CNTN2: variants seen among roughly 807,000 people sequenced by gnomAD.
CNTN2 encodes the protein contactin 2.
In CNTN2, 53 loss-of-function variants were observed where a neutral mutation model predicts 117.5. The observed-to-expected ratio is 0.45, with a 90% CI of 0.36 to 0.57. The LOEUF is 0.57. CNTN2 is among the 20% of genes least tolerant of loss of function. CNTN2 has a pLI of 0.00. For synonymous variants in CNTN2, 530 were observed against 561.7 expected (o/e 0.94, Z 0.80); for missense variants, 1,106 against 1,404.3 (o/e 0.79, Z 3.39).
In CNTN2 at chr1:205,058,916, G is replaced by T. The variant is rs1352672730; in HGVS notation, c.488-168G>T. 1 of 711,850 alleles carries T rather than the reference G, an allele frequency of 1.4e-6. No individual in the cohort carries two copies. Among genetic ancestry groups the T allele is most frequent in the African/African-American group, 1.8e-5 (1 of 56,082 alleles). 44.1% of individuals were successfully genotyped at this position (711,850 alleles called of 1,614,324 possible). A position where few individuals can be genotyped will look rare whatever the true frequency, so the allele number is the denominator to read the frequency against. Reference sequence around the variant, plus strand: ...CTGGCAGACTTAGCGCTCCCTGAGGGCAGGAATAAAGTCACTTCTTCCCTC... The same window carrying T: ...CTGGCAGACTTAGCGCTCCCTGAGGTCAGGAATAAAGTCACTTCTTCCCTC... On this transcript the variant is annotated intron_variant, in intron 5 of 22. Coordinates refer to ENST00000331830, the MANE Select transcript of CNTN2 (RefSeq NM_005076.5). The surrounding 1 kb of genome is among the most constrained non-coding windows in gnomAD (Gnocchi z 4.3).
chr1:205,062,155 C>T lies in CNTN2; in HGVS notation c.1110+154C>T. ...CCTAGGACCACCTAAGGACTTCTTC[C>T]CATCCCAGTCCCATTGTCACAGGCT... On this transcript the variant is annotated intron_variant, in intron 9 of 22. Coordinates refer to ENST00000331830, the MANE Select transcript of CNTN2 (RefSeq NM_005076.5). The T allele has an allele frequency of 3.1e-6, 3 of 956,766 alleles. No individual in the cohort carries two copies. The East Asian group carries it at 8.3e-5, about 27-fold the overall frequency. The allele number at this position is 956,766 out of a possible 1,614,324, so 59.3% of individuals were successfully genotyped here.
Position 205,064,683 on chromosome 1 carries a change from C to G in CNTN2, c.1452C>G (p.Gly484=). 1 of 1,614,206 alleles carries G rather than the reference C, an allele frequency of 6.2e-7. No homozygotes were observed. The highest frequency in any genetic ancestry group is 8.5e-7 in the Non-Finnish European group (1 of 1,180,026). Residue 484 remains glycine, a synonymous_variant, in exon 12 of 23, where the codon GGC becomes GGG. Coordinates refer to ENST00000331830, the MANE Select transcript of CNTN2 (RefSeq NM_005076.5). ...IIRNISRSDE[G]KYTCFAENFM... ...GAAACATCAGCCGGTCAGATGAAGG[C>G]AAATACACCTGCTTTGCTGAGAACT...
At chr1:205,071,124 G>A (rs1654573353) in intron 19 of CNTN2, among the ~76,000 whole-genome samples, 1 of 152,184 alleles carries the variant, frequency 6.6e-6, no homozygotes, top group Non-Finnish European at 1.5e-5. Context: ...ACAGGTTCTG[G>A]GAAGGGGCAT....
At chr1:205,072,181 G>T in intron 20 of CNTN2, 48 bp downstream of exon 20, 1 of 1,529,780 alleles carries the variant, frequency 6.5e-7, no homozygotes, top group Non-Finnish European at 8.8e-7. Flanking sequence ...TTTGGAGGGT[G>T]GGTGCCTCTG....
chr1:205,062,891 G>C (rs1211707091), intron 10 of CNTN2: 1 of 173,416 alleles, frequency 5.8e-6, no homozygotes, highest in South Asian at 1.7e-4. Context: ...GCTTTGGCAA[G>C]TTACTTAGTG....
rs1654830135 is a variant in CNTN2, at chr1:205,075,764, C to T, written c.*1999C>T. 1 of 151,644 alleles carries T rather than the reference C, an allele frequency of 6.6e-6. No individual in the cohort carries two copies. The highest frequency in any genetic ancestry group is 1.5e-5 in the Non-Finnish European group (1 of 67,926). 9.4% of individuals were successfully genotyped at this position (151,644 alleles called of 1,614,324 possible). Reference sequence around the variant, plus strand: ...AAAGCCTCCTCACCTCTTCCCAACCCTTACAAGCAAGGGTGCTAGGGGCTC... The same window carrying T: ...AAAGCCTCCTCACCTCTTCCCAACCTTTACAAGCAAGGGTGCTAGGGGCTC... On this transcript the variant is annotated 3_prime_UTR_variant, in exon 23 of 23. Coordinates refer to ENST00000331830, the MANE Select transcript of CNTN2 (RefSeq NM_005076.5).
At chr1:205,054,998 G>C (rs999373374) in intron 2 of CNTN2, among the ~76,000 whole-genome samples, 3 of 151,980 alleles carry the variant, frequency 2.0e-5, no homozygotes, top group African/African-American at 7.2e-5. Context: ...TTTTGTTGTT[G>C]TTGTTGTTGT....
Position 205,073,855 on chromosome 1 carries a change from G to A in CNTN2, c.*90G>A. 4 of 1,002,234 alleles carry A rather than the reference G, an allele frequency of 4.0e-6. No homozygotes were observed. Among genetic ancestry groups the A allele is most frequent in the Middle Eastern group, 2.6e-4 (1 of 3,884 alleles). The allele number at this position is 1,002,234 out of a possible 1,614,324, so 62.1% of individuals were successfully genotyped here. On this transcript the variant is annotated 3_prime_UTR_variant, in exon 23 of 23. Transcript: ENST00000331830. The surrounding 1 kb of genome is among the most constrained non-coding windows in gnomAD (Gnocchi z 6.3). ...CCTGCTGCCAAGGTGGCCTGACACT[G>A]TGCCAGAGAGTGGCTGGTTTTAAAT... is the stretch of plus-strand genomic sequence containing the variant.
At position 205,058,348 on chromosome 1, in the gene CNTN2, G is replaced by A. The variant is rs759086850; in HGVS notation, c.383G>A (p.Arg128His). ...GTVVSREAIL[R>H]FGFLQEFSKE... ...GTTGTCAGCAGGGAGGCCATCCTCC[G>A]CTTCGGCTGTGAGACCCGCGGGGGA... Residue 128 changes from arginine (R) to histidine (H), a missense_variant, in exon 4 of 23, where the codon CGC (arginine) becomes CAC (histidine). Coordinates refer to ENST00000331830, the MANE Select transcript of CNTN2 (RefSeq NM_005076.5). This position sits in a 1 kb window ranked among gnomAD's most constrained non-coding sequence, Gnocchi z 4.3. The A allele has an allele frequency of 6.6e-6, 10 of 1,526,382 alleles. No individual in the cohort carries two copies. The highest frequency in any genetic ancestry group is 3.9e-5 in the South Asian group (3 of 77,552). The allele number at this position is 1,526,382 out of a possible 1,614,324, so 94.6% of individuals were successfully genotyped here. A position where few individuals can be genotyped will look rare whatever the true frequency, so the allele number is the denominator to read the frequency against.
rs1271774679 is a variant in CNTN2, at chr1:205,065,452, C to A, written c.1695+190C>A. ...TCCTGGATTCCACCCAGGGACCATG[C>A]ATTTAGGAGAGGGTTAGGGACAAAC... On this transcript the variant is annotated intron_variant, in intron 13 of 22. Transcript: ENST00000331830. This position sits in a 1 kb window ranked among gnomAD's most constrained non-coding sequence, Gnocchi z 4.1. Among the ~76,000 whole-genome samples, 4 of 152,094 alleles carry A rather than the reference C, an allele frequency of 2.6e-5. No individual in the cohort carries two copies. The highest frequency in any genetic ancestry group is 4.8e-5 in the African/African-American group (2 of 41,408).
intron 1 of CNTN2, among the ~76,000 whole-genome samples, chr1:205,051,550 G>T (rs1428400845): frequency 6.6e-6 from 1 of 152,148 alleles, no homozygotes. Flanking sequence ...TGGGCACCCT[G>T]CCTGTCAATC....
rs1363061493 is a variant in CNTN2, at chr1:205,058,250, G to C, written c.285G>C (p.Leu95=). 1 of 1,556,238 alleles carries C rather than the reference G, an allele frequency of 6.4e-7. No homozygotes were observed. Among genetic ancestry groups the C allele is most frequent in the South Asian group, 1.2e-5 (1 of 80,316 alleles). Reference sequence around the variant, plus strand: ...GTCACCAGCTGGTGGGGGGCAACCTGGTCATCATGAACCCCACCAAGGCAC... The same window carrying C: ...GTCACCAGCTGGTGGGGGGCAACCTCGTCATCATGAACCCCACCAAGGCAC... ...GSRHQLVGGN[L]VIMNPTKAQD... The change falls in exon 4 of 23, where the codon CTG becomes CTC. Residue 95 remains leucine, a synonymous_variant. Transcript: ENST00000331830. This position sits in a 1 kb window ranked among gnomAD's most constrained non-coding sequence, Gnocchi z 4.3.
In CNTN2 at chr1:205,070,433, G is replaced by C; in HGVS notation, c.2439G>C (p.Arg813Ser). The C allele has an allele frequency of 6.2e-7, 1 of 1,612,274 alleles. No homozygotes were observed. The highest frequency in any genetic ancestry group is 8.5e-7 in the Non-Finnish European group (1 of 1,178,754). The change falls in exon 19 of 23, where the codon AGG becomes AGC. Residue 813 changes from arginine to serine, a missense_variant. Transcript: ENST00000331830. ...ALVYSAEEEPRVAPTKVWAKG... is the reference protein window; with the variant it reads ...ALVYSAEEEPSVAPTKVWAKG... ...TTCTGTATTGGTCCCCAGAGCCCAG[G>C]GTGGCCCCTACCAAGGTGTGGGCCA... is the stretch of plus-strand genomic sequence containing the variant.
At chr1:205,052,594 C>G (rs1034169319) in intron 1 of CNTN2, among the ~76,000 whole-genome samples, 1 of 152,174 alleles carries the variant, frequency 6.6e-6, no homozygotes, top group African/African-American at 2.4e-5. Flanking sequence ...CTCCTCACTG[C>G]TAGGAAAACA....
At chr1:205,071,878 G>A (rs1654609351) in intron 19 of CNTN2, 69 bp from the exon 20 acceptor site, 5 of 1,442,036 alleles carry the variant, frequency 3.5e-6, no homozygotes, top group Non-Finnish European at 9.4e-7. Flanking sequence ...GGAACAGAAT[G>A]TGGGGGCCGG....
chr1:205,069,760 T>G, intron 17 of CNTN2, 67 bp from the exon 18 acceptor site: 1 of 1,545,200 alleles, frequency 6.5e-7, no homozygotes, highest in Non-Finnish European at 8.9e-7. Flanking sequence ...AAAGGTTGGG[T>G]GGGGCCAGGG....
At chr1:205,067,064 G>A (rs768148376) in intron 15 of CNTN2, 37 bp from the exon 16 acceptor site, 2 of 1,575,344 alleles carry the variant, frequency 1.3e-6, no homozygotes, top group Admixed American at 3.6e-5. Context: ...AGATGAATAA[G>A]CGAATGCTGG....
Position 205,076,075 on chromosome 1 carries a change from G to A in CNTN2, c.*2310G>A, listed in dbSNP as rs1023596148. The A allele has an allele frequency of 2.0e-5, 3 of 152,168 alleles. No homozygotes were observed. The highest frequency in any genetic ancestry group is 7.2e-5 in the African/African-American group (3 of 41,418). 9.4% of individuals were successfully genotyped at this position (152,168 alleles called of 1,614,324 possible). A position where few individuals can be genotyped will look rare whatever the true frequency, so the allele number is the denominator to read the frequency against. On this transcript the variant is annotated 3_prime_UTR_variant, in exon 23 of 23. Transcript: ENST00000331830. ...GCCACTAAACTTGCTTCAGGCCAAC[G>A]ATAGTTACTCACAAGTAAGTACCTT...
In CNTN2 at chr1:205,073,934, C is replaced by T. The variant is rs941275920; in HGVS notation, c.*169C>T. On this transcript the variant is annotated 3_prime_UTR_variant, in exon 23 of 23. Coordinates refer to ENST00000331830, the MANE Select transcript of CNTN2 (RefSeq NM_005076.5). The surrounding 1 kb of genome is among the most constrained non-coding windows in gnomAD (Gnocchi z 6.3). The stretch of plus-strand genomic sequence containing the variant: ...GGAGGTAGGATATTTTATATTCTGC[C>T]GCAGGATAGAACCCACGCAAGGATT... 7 of 621,222 alleles carry T rather than the reference C, an allele frequency of 1.1e-5. No homozygotes were observed. Among genetic ancestry groups the T allele is most frequent in the Admixed American group, 2.7e-5 (1 of 36,766 alleles). The allele number at this position is 621,222 out of a possible 1,614,324, so 38.5% of individuals were successfully genotyped here. A position where few individuals can be genotyped will look rare whatever the true frequency, so the allele number is the denominator to read the frequency against.
Sources: gnomAD v4.1 joint callset for allele counts (sites outside exome capture counted in the v4.1 genomes callset) on GRCh38, gnomAD v4.1.1 for gene constraint, Gnocchi (gnomAD v3.1) non-coding constraint, MANE v1.5 for transcripts, NCBI Gene and HGNC (gene_info 2026-07-23, HGNC 2026-07-21) for gene names.